Variants in SHC3 observed in about 807,000 individuals in gnomAD.
SHC3 encodes the protein SHC-transforming protein 3.
A neutral mutation model predicts 60.4 loss-of-function variants in SHC3; 15 were observed. That is an observed-to-expected ratio of 0.25 (90% CI 0.17 to 0.38). The LOEUF (loss-of-function observed/expected upper bound fraction) is 0.38, where lower values mean the gene tolerates loss of function less well. Ranked by LOEUF, SHC3 falls within the 10% of genes least tolerant of loss-of-function variation. SHC3 has a pLI of 1.00. For synonymous variants in SHC3, 294 were observed against 325.9 expected (o/e 0.90, Z 1.05); for missense variants, 677 against 786.1 (o/e 0.86, Z 1.66).
intron 1 of SHC3, among the ~76,000 whole-genome samples, chr9:89,150,273 T>C (rs1826527327): frequency 6.6e-6 from 1 of 152,166 alleles, no homozygotes; most frequent in African/African-American, 2.4e-5. Flanking sequence ...GATTATTGTA[T>C]TCACAATGCT....
intron 6 of SHC3, among the ~76,000 whole-genome samples, chr9:89,054,746 T>A (rs992724814): frequency 9.9e-5 from 15 of 152,036 alleles, no homozygotes; most frequent in African/African-American, 2.9e-4. Flanking sequence ...AAAACATAGC[T>A]CAATGTAAAC....
chr9:89,036,448 C>T (rs2117866119), intron 11 of SHC3, among the ~76,000 whole-genome samples: 1 of 152,292 alleles, frequency 6.6e-6, no homozygotes, highest in East Asian at 1.9e-4. Context: ...TAGGGAAATT[C>T]AATGTACGTG....
At chr9:89,106,407 A>G (rs1373536222) in intron 2 of SHC3, among the ~76,000 whole-genome samples, 1 of 152,200 alleles carries the variant, frequency 6.6e-6, no homozygotes. Context: ...TCTGAGCCAC[A>G]TGGACAGTCC....
chr9:89,013,631 A>C (rs944483), intron 11 of SHC3, 56 bp from the exon 12 acceptor site: 1,557,414 of 1,571,086 alleles, frequency 0.99, 772,020 homozygotes, highest in East Asian at 1. Context: ...AAAAAGAGAA[A>C]ATGGTTTGCT....
chr9:89,070,155 C>CA (rs942273426), intron 5 of SHC3, among the ~76,000 whole-genome samples: 9 of 152,066 alleles, frequency 5.9e-5, no homozygotes, highest in African/African-American at 2.2e-4. Context: ...CTATTGAACA[C>CA]AAAAAAGTAT....
Position 89,115,783 on chromosome 9 carries a change from C to T in SHC3, c.475-3157G>A, listed in dbSNP as rs776986243. On this transcript the variant is annotated intron_variant, in intron 1 of 11. Coordinates refer to ENST00000375835, the MANE Select transcript of SHC3 (RefSeq NM_016848.6). ...GAGTAATGTCATTGAGTTATATGAC[C>T]ACCAGCAACAACACTGCAGTGTCAC... 3.3e-5 allele frequency among the ~76,000 whole-genome samples: 5 copies of T among 152,220 alleles called. No homozygotes were observed. In the South Asian group the frequency reaches 1.0e-3, roughly 32 times the overall value.
chr9:89,020,386 G>A (rs1345993074), intron 11 of SHC3, among the ~76,000 whole-genome samples: 1 of 152,090 alleles, frequency 6.6e-6, no homozygotes, highest in Non-Finnish European at 1.5e-5. Context: ...TTGTGGGTGT[G>A]GGGGCCTCTG....
In SHC3 at chr9:89,009,434, A is replaced by G. The variant is rs1825986218; in HGVS notation, c.*4013T>C. ...CAATCCTACTGTCACCGTCCACAGA[A>G]AGGGATTTATGGACAGCACACAAAG... is the stretch of plus-strand genomic sequence containing the variant. On this transcript the variant is annotated 3_prime_UTR_variant, in exon 12 of 12. Transcript: ENST00000375835. 6.6e-6 allele frequency: 1 copy of G among 152,256 alleles called. No homozygotes were observed. The highest frequency in any genetic ancestry group is 1.5e-5 in the Non-Finnish European group (1 of 68,060). The allele number at this position is 152,256 out of a possible 1,614,324, so 9.4% of individuals were successfully genotyped here. A position where few individuals can be genotyped will look rare whatever the true frequency, so the allele number is the denominator to read the frequency against.
chr9:89,069,850 G>A (rs1825241703), intron 5 of SHC3, among the ~76,000 whole-genome samples: 1 of 152,248 alleles, frequency 6.6e-6, no homozygotes, highest in South Asian at 2.1e-4. Flanking sequence ...TCAAGGCTCT[G>A]GAGTCTACCT....
intron 1 of SHC3, among the ~76,000 whole-genome samples, chr9:89,172,258 C>A (rs1826879671): frequency 6.6e-6 from 1 of 152,170 alleles, no homozygotes; most frequent in African/African-American, 2.4e-5. Flanking sequence ...CTCTGCAACT[C>A]TGACGTGGCC....
chr9:89,099,036 CTTA>C (rs1426305406), intron 2 of SHC3, among the ~76,000 whole-genome samples: 1 of 151,940 alleles, frequency 6.6e-6, no homozygotes, highest in African/African-American at 2.4e-5. Context: ...TTGTCATATT[CTTA>C]TATCTTTTTA....
rs571498046 is a variant in SHC3 at position 89,124,078 on chromosome 9, T to C, written c.475-11452A>G. Among the ~76,000 whole-genome samples, 33 of 149,810 alleles carry C rather than the reference T, an allele frequency of 2.2e-4. 1 individual carries two copies. The highest frequency in any genetic ancestry group is 4.2e-4 in the Non-Finnish European group (28 of 67,424). The stretch of plus-strand genomic sequence containing the variant: ...AACTCCTGCATTGCCAGCAAACATA[T>C]GAAAAAAAAAAAGCTCATCATCACT... On this transcript the variant is annotated intron_variant, in intron 1 of 11. Coordinates refer to ENST00000375835, the MANE Select transcript of SHC3 (RefSeq NM_016848.6).
rs180671554 is a variant in SHC3 at position 89,131,732 on chromosome 9, T to C, written c.475-19106A>G. Among the ~76,000 whole-genome samples the C allele has an allele frequency of 2.3e-3, 348 of 152,262 alleles. 1 individual carries two copies. The highest frequency in any genetic ancestry group is 3.1e-3 in the Admixed American group (48 of 15,290). ...AGCGCTTCATGCCAAAAACTCTCAATAAACTAGGTATTGATGGGACATACC... is the reference window on the plus strand; with the variant it reads ...AGCGCTTCATGCCAAAAACTCTCAACAAACTAGGTATTGATGGGACATACC... On this transcript the variant is annotated intron_variant, in intron 1 of 11. Transcript: ENST00000375835.
chr9:89,082,132 C>A (rs891488565), intron 2 of SHC3, among the ~76,000 whole-genome samples: 2 of 152,164 alleles, frequency 1.3e-5, no homozygotes, highest in East Asian at 1.9e-4. Flanking sequence ...TAAGCCATGG[C>A]GAGCACCTCC....
intron 6 of SHC3, among the ~76,000 whole-genome samples, chr9:89,053,023 C>T (rs1238949060): frequency 6.6e-6 from 1 of 152,222 alleles, no homozygotes; most frequent in African/African-American, 2.4e-5. Context: ...GGAAGTAGTA[C>T]TTTTTCTCCA....
intron 6 of SHC3, among the ~76,000 whole-genome samples, chr9:89,060,146 T>C (rs1355118925): frequency 1.5e-5 from 2 of 130,370 alleles, no homozygotes; most frequent in African/African-American, 6.0e-5. Context: ...TGGAGGGCGG[T>C]GGTGGAGGGC....
intron 2 of SHC3, among the ~76,000 whole-genome samples, chr9:89,087,650 T>C (rs1488177759): frequency 2.6e-5 from 4 of 152,238 alleles, no homozygotes; most frequent in African/African-American, 9.6e-5. Flanking sequence ...ACTATTATTA[T>C]ATACTAATTC....
At chr9:89,157,141 C>T (rs191323006) in intron 1 of SHC3, among the ~76,000 whole-genome samples, 1 of 152,196 alleles carries the variant, frequency 6.6e-6, no homozygotes, top group Non-Finnish European at 1.5e-5. Context: ...CTTTCTCCCA[C>T]TACAAACCTC....
At position 89,038,068 on chromosome 9, in the gene SHC3, G is replaced by A; in HGVS notation, c.1581C>T (p.Asn527=). The A allele has an allele frequency of 6.2e-7, 1 of 1,614,090 alleles. No homozygotes were observed. Among genetic ancestry groups the A allele is most frequent in the Non-Finnish European group, 8.5e-7 (1 of 1,180,032 alleles). Residue 527 remains asparagine (N), a synonymous_variant, in exon 11 of 12, where the codon AAC becomes AAT. Coordinates refer to ENST00000375835, the MANE Select transcript of SHC3 (RefSeq NM_016848.6). ...GDFLVRKSTT[N]PGSFVLTGMH... is the part of the protein sequence containing the mutation. Reference sequence around the variant, plus strand: ...TGCCCGTGAGGACAAAGGAGCCCGGGTTGGTGGTGCTCTTCCTGACCAGGA... The same window carrying A: ...TGCCCGTGAGGACAAAGGAGCCCGGATTGGTGGTGCTCTTCCTGACCAGGA...
Sources: gnomAD v4.1 joint callset for allele counts (sites outside exome capture counted in the v4.1 genomes callset) on GRCh38, gnomAD v4.1.1 for gene constraint, MANE v1.5 for transcripts, NCBI Gene and HGNC (gene_info 2026-07-23, HGNC 2026-07-21) for gene names.